The following TMEM123 variants were observed in gnomAD, a reference collection of about 807,000 sequenced individuals.
TMEM123 encodes the protein transmembrane protein 123.
Under a neutral mutation model 19.7 loss-of-function variants are expected in TMEM123, and 16 were observed. The ratio of observed to expected loss-of-function variants is 0.81; its 90% CI spans 0.55 to 1.23. TMEM123 has a LOEUF of 1.23. Ranked by LOEUF, TMEM123 falls within the 50% of genes most tolerant of loss-of-function variation. The probability of loss-of-function intolerance (pLI) is 0.00; values close to 1 mark genes in which losing one functional copy is unlikely to be tolerated. For synonymous variants in TMEM123, 118 were observed against 99.4 expected (o/e 1.19, Z -1.12); for missense variants, 313 against 257.8 (o/e 1.21, Z -1.47).
At chr11:102,422,489 A>G (rs1953501607) in intron 2 of TMEM123, among the ~76,000 whole-genome samples, 1 of 152,150 alleles carries the variant, frequency 6.6e-6, no homozygotes, top group Admixed American at 6.5e-5. Context: ...AAAAGGAAAA[A>G]AAAAGTGAAG....
rs57729827 is a variant in TMEM123, at chr11:102,426,859, TCCCCC to T, written c.157+21948_157+21952del. Among the ~76,000 whole-genome samples the T allele has an allele frequency of 1.9e-3, 8 of 4,136 alleles. 3 individuals carry two copies. The highest frequency in any genetic ancestry group is 3.9e-3 in the Non-Finnish European group (8 of 2,040). 2.7% of individuals were successfully genotyped at this position (4,136 alleles called of 152,430 possible). ...CATGGCTTAATGTTTTTAAAGTAGT[TCCCCC>T]CCCCCCCCCATTTATTGCTCAAAAT... On this transcript the variant is annotated intron_variant, in intron 2 of 4. Coordinates refer to ENST00000398136, the MANE Select transcript of TMEM123 (RefSeq NM_052932.3).
intron 2 of TMEM123, among the ~76,000 whole-genome samples, chr11:102,440,021 C>G (rs866556917): frequency 2.6e-5 from 4 of 152,170 alleles, no homozygotes; most frequent in African/African-American, 9.7e-5. Flanking sequence ...AAGAAACGAA[C>G]AAAGCCTTCA....
intron 2 of TMEM123, among the ~76,000 whole-genome samples, chr11:102,404,895 G>T (rs1027775632): frequency 5.3e-5 from 8 of 151,854 alleles, no homozygotes; most frequent in Non-Finnish European, 7.4e-5. Flanking sequence ...CACCATGCTC[G>T]GCCCCAGCTA....
rs1050910661 is a variant in TMEM123, at chr11:102,446,077, C to T, written c.157+2735G>A. 3.3e-5 allele frequency among the ~76,000 whole-genome samples: 5 copies of T among 152,156 alleles called. 1 individual carries two copies. In the East Asian group the frequency reaches 7.7e-4, roughly 23 times the overall value. ...TATCAATGCTATGTGATCAAGGAGACGGCTGTATCCTGAATGATATTGAGC... is the reference window on the plus strand; with the variant it reads ...TATCAATGCTATGTGATCAAGGAGATGGCTGTATCCTGAATGATATTGAGC... On this transcript the variant is annotated intron_variant, in intron 2 of 4. Transcript: ENST00000398136.
intron 2 of TMEM123, among the ~76,000 whole-genome samples, chr11:102,414,106 C>G (rs993134081): frequency 3.9e-5 from 6 of 152,056 alleles, no homozygotes; most frequent in Non-Finnish European, 7.4e-5. Context: ...AGACTCAGAG[C>G]TCAAAGACTA....
At chr11:102,449,633 G>A (rs1857918811) in intron 1 of TMEM123, among the ~76,000 whole-genome samples, 2 of 152,120 alleles carry the variant, frequency 1.3e-5, no homozygotes, top group South Asian at 2.1e-4. Flanking sequence ...TCTTCTTTGT[G>A]AGAATTTCTT....
intron 1 of TMEM123, among the ~76,000 whole-genome samples, chr11:102,450,495 A>C (rs541199108): frequency 6.6e-6 from 1 of 152,190 alleles, no homozygotes; most frequent in Non-Finnish European, 1.5e-5. Flanking sequence ...CCTTCAACTG[A>C]TATTTATAAA....
Position 102,396,830 on chromosome 11 carries a change from T to A in TMEM123, c.*2037A>T, listed in dbSNP as rs561435349. The A allele has an allele frequency of 5.3e-5, 8 of 152,348 alleles. No homozygotes were observed. The highest frequency in any genetic ancestry group is 1.5e-5 in the Non-Finnish European group (1 of 68,022). The allele number at this position is 152,348 out of a possible 1,614,324, so 9.4% of individuals were successfully genotyped here. A position where few individuals can be genotyped will look rare whatever the true frequency, so the allele number is the denominator to read the frequency against. On this transcript the variant is annotated 3_prime_UTR_variant, in exon 5 of 5. Transcript: ENST00000398136. ...CAGAGGAAACTTTCAAGGCAAATGA[T>A]GACTTAGTACTTAAAAAGTGGTTTT...
intron 2 of TMEM123, among the ~76,000 whole-genome samples, chr11:102,436,321 C>A (rs1857762348): frequency 6.6e-6 from 1 of 151,820 alleles, no homozygotes; most frequent in Non-Finnish European, 1.5e-5. Context: ...CATCACCACG[C>A]CTGGCTAATT....
intron 2 of TMEM123, among the ~76,000 whole-genome samples, chr11:102,413,761 GAGAA>G (rs1952023153): frequency 6.6e-6 from 1 of 152,192 alleles, no homozygotes; most frequent in South Asian, 2.1e-4. Flanking sequence ...CCACACAGCT[GAGAA>G]AGAACCAGCG....
chr11:102,407,141 CA>C (rs1190653913), intron 2 of TMEM123, among the ~76,000 whole-genome samples: 3 of 152,158 alleles, frequency 2.0e-5, no homozygotes, highest in Admixed American at 1.3e-4. Flanking sequence ...GGCCTGATTC[CA>C]TAAGGGTGGC....
rs1233221912 is a variant in TMEM123, at chr11:102,398,834, A to G, written c.*33T>C. 1.2e-6 allele frequency: 2 copies of G among 1,606,458 alleles called. No homozygotes were observed. Among genetic ancestry groups the G allele is most frequent in the Non-Finnish European group, 1.7e-6 (2 of 1,177,112 alleles). The stretch of plus-strand genomic sequence containing the variant: ...CAAAATTAATTGATAGGGCAGCATC[A>G]ATCTGTATTCCATCCTTGGTCCATG... On this transcript the variant is annotated 3_prime_UTR_variant, in exon 5 of 5. Transcript: ENST00000398136.
At chr11:102,420,455 C>T (rs1050037191) in intron 2 of TMEM123, among the ~76,000 whole-genome samples, 5 of 152,182 alleles carry the variant, frequency 3.3e-5, no homozygotes, top group Admixed American at 2.6e-4. Context: ...CTGCACCGAA[C>T]GCTGTTCTAA....
intron 4 of TMEM123, among the ~76,000 whole-genome samples, chr11:102,399,650 C>T (rs541016933): frequency 6.6e-5 from 10 of 152,210 alleles, no homozygotes; most frequent in East Asian, 1.9e-4. Flanking sequence ...ATATATGCAA[C>T]GTAACTTTAA....
chr11:102,413,889 A>T (rs1952024409), intron 2 of TMEM123, among the ~76,000 whole-genome samples: 1 of 152,230 alleles, frequency 6.6e-6, no homozygotes, highest in Non-Finnish European at 1.5e-5. Flanking sequence ...TCAGACATGG[A>T]ATTAAGAATC....
intron 2 of TMEM123, among the ~76,000 whole-genome samples, chr11:102,440,622 T>A (rs1406285422): frequency 6.6e-6 from 1 of 152,126 alleles, no homozygotes; most frequent in East Asian, 1.9e-4. Flanking sequence ...CCATCGATGA[T>A]AGGAAGAAAC....
chr11:102,426,948 T>C (rs1006826084), intron 2 of TMEM123, among the ~76,000 whole-genome samples: 5 of 147,092 alleles, frequency 3.4e-5, no homozygotes, highest in African/African-American at 1.0e-4. Context: ...TATCAGTTAT[T>C]TGAAGTTCTA....
chr11:102,403,208 C>G (rs1409951347), intron 2 of TMEM123, among the ~76,000 whole-genome samples: 1 of 152,144 alleles, frequency 6.6e-6, no homozygotes, highest in Non-Finnish European at 1.5e-5. Flanking sequence ...CAAGGTTTTA[C>G]CATGTTGGCC....
Position 102,448,884 on chromosome 11 carries a change from A to G in TMEM123, c.101-16T>C. ...TTTGCAGATGCTGTAAAAATAAAGA[A>G]ATATCCTGTTATGAAAGAACATTTA... On this transcript the variant is annotated splice_polypyrimidine_tract_variant and intron_variant, in intron 1 of 4. Coordinates refer to ENST00000398136, the MANE Select transcript of TMEM123 (RefSeq NM_052932.3). 1 of 1,612,738 alleles carries G rather than the reference A, an allele frequency of 6.2e-7. No homozygotes were observed.
Sources: gnomAD v4.1 joint callset for allele counts (sites outside exome capture counted in the v4.1 genomes callset) on GRCh38, gnomAD v4.1.1 for gene constraint, MANE v1.5 for transcripts, NCBI Gene and HGNC (gene_info 2026-07-23, HGNC 2026-07-21) for gene names.